The following MYO16 variants were observed in gnomAD, a reference collection of about 807,000 sequenced individuals.
The protein encoded by MYO16 is myosin XVI, also known as unconventional myosin-XVI.
Under a neutral mutation model 205.3 loss-of-function variants are expected in MYO16, and 94 were observed. The observed-to-expected ratio is 0.46, with a 90% CI of 0.39 to 0.54. The LOEUF is 0.54. MYO16 is among the 20% of genes least tolerant of loss of function. The pLI, the probability that MYO16 is intolerant of heterozygous loss-of-function variation, is 0.00. For synonymous variants in MYO16, 988 were observed against 954.0 expected (o/e 1.04, Z -0.66); for missense variants, 2,315 against 2,387.5 (o/e 0.97, Z 0.63).
rs191186586 is a variant in MYO16, at chr13:109,085,408, A to G, written c.3336-15377A>G. The stretch of plus-strand genomic sequence containing the variant: ...TGGAAGGACCACAAGTTGATGAACC[A>G]GTCTTGACAGAGCCCAGGTCTGCAG... On this transcript the variant is annotated intron_variant, in intron 27 of 34. Coordinates refer to ENST00000457511, the MANE Select transcript of MYO16 (RefSeq NM_001198950.3). Among the ~76,000 whole-genome samples the G allele has an allele frequency of 1.4e-4, 22 of 152,322 alleles. No individual in the cohort carries two copies. The East Asian group carries it at 4.0e-3, about 28-fold the overall frequency.
At chr13:109,023,753 G>GTATA (rs1886249274) in intron 23 of MYO16, among the ~76,000 whole-genome samples, 9 of 58,254 alleles carry the variant, frequency 1.5e-4, no homozygotes, top group Admixed American at 3.9e-4. Flanking sequence ...ATACGTATAT[G>GTATA]TATACAAATA....
At chr13:108,791,668 T>A (rs1886620009) in intron 5 of MYO16, among the ~76,000 whole-genome samples, 1 of 152,194 alleles carries the variant, frequency 6.6e-6, no homozygotes, top group Admixed American at 6.5e-5. Context: ...GAGAAGGAGC[T>A]GTGGCACGAG....
chr13:109,167,971 C>G (rs1186566612), intron 33 of MYO16, among the ~76,000 whole-genome samples: 1 of 151,932 alleles, frequency 6.6e-6, no homozygotes, highest in Non-Finnish European at 1.5e-5. Flanking sequence ...ACTAAAAAGG[C>G]AGTAAAATTT....
chr13:108,928,773 A>AAG (rs1882123695), intron 16 of MYO16, among the ~76,000 whole-genome samples: 1 of 152,236 alleles, frequency 6.6e-6, no homozygotes, highest in South Asian at 2.1e-4. Context: ...ATAATGAGCA[A>AAG]AGATATGACA....
At chr13:108,727,068 A>G (rs776510659) in intron 3 of MYO16, among the ~76,000 whole-genome samples, 2 of 151,552 alleles carry the variant, frequency 1.3e-5, no homozygotes, top group Non-Finnish European at 2.9e-5. Context: ...TGCATGTTTT[A>G]GAGTAGAAGG....
intron 3 of MYO16, among the ~76,000 whole-genome samples, chr13:108,726,344 A>T (rs1884335036): frequency 6.6e-6 from 1 of 152,056 alleles, no homozygotes; most frequent in Non-Finnish European, 1.5e-5. Context: ...GCGGATCACG[A>T]TGTCAAGAGA....
intron 10 of MYO16, among the ~76,000 whole-genome samples, chr13:108,849,999 T>C (rs1877763227): frequency 6.6e-6 from 1 of 151,908 alleles, no homozygotes; most frequent in African/African-American, 2.4e-5. Context: ...TACTGGGTTA[T>C]TTGTGCCTAG....
rs1880672473 is a variant in MYO16 at position 109,207,888 on chromosome 13, G to A, written c.*1052G>A. ...GTTCATTGATGTGCTTTCGTCGGCT[G>A]TCGGAAAGTTCTGAGCAGTGGCTCC... is the stretch of plus-strand genomic sequence containing the variant. On this transcript the variant is annotated 3_prime_UTR_variant, in exon 35 of 35. Coordinates refer to ENST00000457511, the MANE Select transcript of MYO16 (RefSeq NM_001198950.3). 1 of 152,218 alleles carries A rather than the reference G, an allele frequency of 6.6e-6. No homozygotes were observed. The highest frequency in any genetic ancestry group is 2.4e-5 in the African/African-American group (1 of 41,450). The allele number at this position is 152,218 out of a possible 1,614,324, so 9.4% of individuals were successfully genotyped here.
chr13:109,040,193 A>G (rs77624197), intron 23 of MYO16, among the ~76,000 whole-genome samples: 4,844 of 152,206 alleles, frequency 0.032, 112 homozygotes, highest in Non-Finnish European at 0.039. Context: ...AAGTCTCTCA[A>G]AAAAGCTTCC....
the MYO16 span, among the ~76,000 whole-genome samples, chr13:108,544,028 G>A: frequency 1.6e-5 from 2 of 126,378 alleles, no homozygotes; most frequent in Non-Finnish European, 1.6e-5. Flanking sequence ...TCGCACCATT[G>A]CACTCCAGTC....
At chr13:109,188,605 C>T (rs1879783615) in intron 34 of MYO16, among the ~76,000 whole-genome samples, 1 of 152,134 alleles carries the variant, frequency 6.6e-6, no homozygotes, top group African/African-American at 2.4e-5. Context: ...TCAACACCAT[C>T]ACAAAGTGAA....
At chr13:109,176,601 A>AG (rs71125372) in intron 33 of MYO16, among the ~76,000 whole-genome samples, 1 of 148,272 alleles carries the variant, frequency 6.7e-6, no homozygotes, top group East Asian at 1.9e-4. Flanking sequence ...AAAAAAAAAA[A>AG]GACCTCCTTT....
Position 108,703,963 on chromosome 13 carries a change from G to A in MYO16, c.293-8698G>A, listed in dbSNP as rs118088735. Among the ~76,000 whole-genome samples the A allele has an allele frequency of 5.0e-4, 76 of 152,232 alleles. 1 individual carries two copies. The East Asian group carries it at 0.014, about 29-fold the overall frequency. Reference sequence around the variant, plus strand: ...TCTAATATGACTGGTGTTTTAAGAAGAACAAGTTTGGACACGCACAGTGTG... The same window carrying A: ...TCTAATATGACTGGTGTTTTAAGAAAAACAAGTTTGGACACGCACAGTGTG... On this transcript the variant is annotated intron_variant, in intron 2 of 34. Coordinates refer to ENST00000457511, the MANE Select transcript of MYO16 (RefSeq NM_001198950.3).
chr13:109,128,099 A>T (rs1876353657), intron 31 of MYO16, among the ~76,000 whole-genome samples: 1 of 152,274 alleles, frequency 6.6e-6, no homozygotes, highest in African/African-American at 2.4e-5. Context: ...CTCATAGATC[A>T]GTAATGAGAC....
chr13:108,784,959 G>A lies in MYO16; in HGVS notation c.508-676G>A, dbSNP rs1052062038. Among the ~76,000 whole-genome samples, 9 of 152,316 alleles carry A rather than the reference G, an allele frequency of 5.9e-5. 3 individuals carry two copies. Among genetic ancestry groups the A allele is most frequent in the Admixed American group, 5.9e-4 (9 of 15,304 alleles). On this transcript the variant is annotated intron_variant, in intron 4 of 34. Transcript: ENST00000457511. ...TACCATTGTATTGAAGCTGAGAGGG[G>A]CAAGGGGTGAAACAGAGTGCCCAGA...
chr13:108,954,672 G>A (rs1347116320), intron 16 of MYO16, among the ~76,000 whole-genome samples: 1 of 152,106 alleles, frequency 6.6e-6, no homozygotes, highest in East Asian at 1.9e-4. Context: ...TGCCTGGGAG[G>A]CAGAGCTGCA....
intron 24 of MYO16, among the ~76,000 whole-genome samples, 158 bp from the exon 25 acceptor site, chr13:109,052,142 A>G (rs1887264825): frequency 6.6e-6 from 1 of 152,342 alleles, no homozygotes; most frequent in Non-Finnish European, 1.5e-5. Flanking sequence ...AGGAAATAAA[A>G]TAAGGATACA....
rs1880039432 is a variant in MYO16, at chr13:109,194,004, T to C, written c.5416-12605T>C. 2.0e-5 allele frequency among the ~76,000 whole-genome samples: 3 copies of C among 152,184 alleles called. No homozygotes were observed. In the South Asian group the frequency reaches 6.2e-4, roughly 31 times the overall value. On this transcript the variant is annotated intron_variant, in intron 34 of 34. Transcript: ENST00000457511. ...AGTGGCCATACTGCCTTTAAATGTGTTGTTTCTCTTCTGTATTCCAACAGC... is the reference window on the plus strand; with the variant it reads ...AGTGGCCATACTGCCTTTAAATGTGCTGTTTCTCTTCTGTATTCCAACAGC...
intron 16 of MYO16, among the ~76,000 whole-genome samples, chr13:108,923,308 C>T (rs1881831432): frequency 6.6e-6 from 1 of 152,198 alleles, no homozygotes; most frequent in Non-Finnish European, 1.5e-5. Flanking sequence ...AATTCAGACA[C>T]AGGAGAGAAG....
Sources: gnomAD v4.1 joint callset for allele counts (sites outside exome capture counted in the v4.1 genomes callset) on GRCh38, gnomAD v4.1.1 for gene constraint, MANE v1.5 for transcripts, NCBI Gene and HGNC (gene_info 2026-07-23, HGNC 2026-07-21) for gene names.